ZNF365: variants seen among roughly 807,000 people sequenced by gnomAD.
ZNF365 encodes protein ZNF365.
ZNF365 carries 22 observed loss-of-function variants against 35.0 expected under a neutral mutation model. The ratio of observed to expected loss-of-function variants is 0.63; its 90% CI spans 0.45 to 0.90. The LOEUF is 0.90. ZNF365 is among the 40% of genes least tolerant of loss of function. The pLI, the probability that ZNF365 is intolerant of heterozygous loss-of-function variation, is 0.00. For synonymous variants in ZNF365, 188 were observed against 196.2 expected, an observed-to-expected ratio of 0.96 and a Z score of 0.35; for missense variants, 448 against 500.3, an observed-to-expected ratio of 0.90 and a Z score of 1.00.
chr10:62,461,596 C>A (rs767859992), intron 4 of ZNF365, among the ~76,000 whole-genome samples: 1 of 152,126 alleles, frequency 6.6e-6, no homozygotes, highest in African/African-American at 2.4e-5. Context: ...AAATACAAGG[C>A]CTTGGATGTA....
At chr10:62,408,511 C>A (rs571555016) in intron 3 of ZNF365, among the ~76,000 whole-genome samples, 1 of 152,248 alleles carries the variant, frequency 6.6e-6, no homozygotes, top group Non-Finnish European at 1.5e-5. Flanking sequence ...CATTGTCTCT[C>A]TTTGTATTCA....
At chr10:62,411,051 G>A (rs1355885873) in intron 3 of ZNF365, among the ~76,000 whole-genome samples, 1 of 152,140 alleles carries the variant, frequency 6.6e-6, no homozygotes. Flanking sequence ...TGTTTCATAT[G>A]TTTGTCAGCT....
At chr10:62,467,413 G>A (rs1304216964) in intron 4 of ZNF365, among the ~76,000 whole-genome samples, 3 of 152,196 alleles carry the variant, frequency 2.0e-5, no homozygotes, top group Non-Finnish European at 4.4e-5. Flanking sequence ...GAAAGTTGTT[G>A]GAGGTCTTTA....
At chr10:62,417,187 T>C (rs1840088879) in intron 3 of ZNF365, among the ~76,000 whole-genome samples, 1 of 152,122 alleles carries the variant, frequency 6.6e-6, no homozygotes, top group African/African-American at 2.4e-5. Flanking sequence ...ACTAAACATG[T>C]GATTCTTTCT....
At chr10:62,427,793 G>T (rs1840272926) in intron 3 of ZNF365, among the ~76,000 whole-genome samples, 2 of 152,108 alleles carry the variant, frequency 1.3e-5, no homozygotes, top group Non-Finnish European at 2.9e-5. Flanking sequence ...CAGGCTTGTA[G>T]GTGCTAGAAG....
intron 3 of ZNF365, among the ~76,000 whole-genome samples, chr10:62,419,507 A>AAG (rs1484365121): frequency 6.6e-6 from 1 of 151,970 alleles, no homozygotes; most frequent in Non-Finnish European, 1.5e-5. Context: ...AAAAAAAAAA[A>AAG]AAGGACGGGG....
At chr10:62,418,323 T>C (rs1840112502) in intron 3 of ZNF365, among the ~76,000 whole-genome samples, 1 of 152,022 alleles carries the variant, frequency 6.6e-6, no homozygotes, top group South Asian at 2.1e-4. Flanking sequence ...CAGGGGCTTA[T>C]TTACCCTTCT....
chr10:62,376,421 C>T lies in ZNF365; in HGVS notation c.228C>T (p.Ser76=), dbSNP rs1336751700. ...PSLKDTDLVT[S]SELLKPGKLQ... ...TCAAAGACACAGACCTAGTCACTTC[C>T]TCAGAACTCCTGAAACCGGGAAAAT... The change falls in exon 2 of 5, where the codon TCC becomes TCT. Residue 76 remains serine (S), a synonymous_variant. Coordinates refer to ENST00000395254, the MANE Select transcript of ZNF365 (RefSeq NM_014951.3). 2 of 1,614,196 alleles carry T rather than the reference C, an allele frequency of 1.2e-6. No individual in the cohort carries two copies. Among genetic ancestry groups the T allele is most frequent in the South Asian group, 2.2e-5 (2 of 91,084 alleles).
rs74156193 is a variant in ZNF365, at chr10:62,400,876, A to G, written c.*1087A>G. Reference sequence around the variant, plus strand: ...ATCTGGAGTGTTCACTCTATGTTGCATTCTAAAGTAATTTCTGAAATAAAC... The same window carrying G: ...ATCTGGAGTGTTCACTCTATGTTGCGTTCTAAAGTAATTTCTGAAATAAAC... On this transcript the variant is annotated 3_prime_UTR_variant, in exon 5 of 5. Transcript: ENST00000395254. The G allele has an allele frequency of 0.015, 14,974 of 985,464 alleles. 187 individuals carry two copies. Among genetic ancestry groups the G allele is most frequent in the African/African-American group, 0.061 (3,518 of 57,324 alleles). 61.0% of individuals were successfully genotyped at this position (985,464 alleles called of 1,614,324 possible).
chr10:62,463,297 GC>G (rs1840878616), intron 4 of ZNF365, among the ~76,000 whole-genome samples: 1 of 152,160 alleles, frequency 6.6e-6, no homozygotes, highest in Non-Finnish European at 1.5e-5. Flanking sequence ...TCTTGTCAAA[GC>G]CAAAAGATTA....
intron 4 of ZNF365, among the ~76,000 whole-genome samples, chr10:62,478,497 T>G (rs1841168471): frequency 6.6e-6 from 1 of 152,240 alleles, no homozygotes; most frequent in African/African-American, 2.4e-5. Flanking sequence ...CATGATCTCC[T>G]TGGGGTCTAG....
chr10:62,445,991 T>A (rs1206735952), intron 3 of ZNF365, among the ~76,000 whole-genome samples: 2 of 152,170 alleles, frequency 1.3e-5, no homozygotes, highest in African/African-American at 4.8e-5. Context: ...TTGAGCTGAT[T>A]TGGCCAAATC....
intron 3 of ZNF365, among the ~76,000 whole-genome samples, chr10:62,428,913 G>A (rs1167670889): frequency 6.6e-6 from 1 of 152,174 alleles, no homozygotes; most frequent in East Asian, 1.9e-4. Flanking sequence ...AGCATTTACT[G>A]CTTTTCTTGG....
chr10:62,431,563 G>A (rs1163847780), intron 3 of ZNF365, among the ~76,000 whole-genome samples: 1 of 151,902 alleles, frequency 6.6e-6, no homozygotes, highest in Non-Finnish European at 1.5e-5. Flanking sequence ...CCTACTGATG[G>A]GTCTACCCTA....
Position 62,398,729 on chromosome 10 carries a change from T to C in ZNF365, c.925-11T>C, listed in dbSNP as rs774583091. The C allele has an allele frequency of 1.9e-6, 3 of 1,611,212 alleles. No individual in the cohort carries two copies. The South Asian group carries it at 3.3e-5, about 18-fold the overall frequency. On this transcript the variant is annotated splice_polypyrimidine_tract_variant and intron_variant, in intron 3 of 4. Transcript: ENST00000395254. The stretch of plus-strand genomic sequence containing the variant: ...TGCAGTTAACATTTTTTCTTATTTG[T>C]TTTCCTTCAGCTTACAGACATCTCC...
At chr10:62,457,375 AG>A (rs1245041956) in intron 3 of ZNF365, among the ~76,000 whole-genome samples, 2 of 152,324 alleles carry the variant, frequency 1.3e-5, no homozygotes, top group East Asian at 1.9e-4. Context: ...TTTCAAAACA[AG>A]TGATGTGGCC....
chr10:62,463,366 C>T (rs754386170), intron 4 of ZNF365, among the ~76,000 whole-genome samples: 16 of 152,312 alleles, frequency 1.1e-4, no homozygotes, highest in Admixed American at 5.2e-4. Flanking sequence ...CTGGCAATCA[C>T]GTTTTCTGTT....
At chr10:62,472,573 G>A (rs912845985) in intron 4 of ZNF365, among the ~76,000 whole-genome samples, 3 of 152,158 alleles carry the variant, frequency 2.0e-5, no homozygotes, top group African/African-American at 7.2e-5. Context: ...GAGGAGAGGG[G>A]CCTGTGACAG....
chr10:62,429,261 G>C (rs1328414376), intron 3 of ZNF365, among the ~76,000 whole-genome samples: 5 of 152,196 alleles, frequency 3.3e-5, no homozygotes, highest in Non-Finnish European at 7.3e-5. Flanking sequence ...TGACGTCTCA[G>C]AGATGTTCTG....
Sources: allele counts gnomAD v4.1 joint callset (sites outside exome capture counted in the v4.1 genomes callset), GRCh38; gene constraint gnomAD v4.1.1; transcripts MANE v1.5; gene names NCBI Gene and HGNC (gene_info 2026-07-23, HGNC 2026-07-21).